Variants in POU6F2 observed in about 807,000 individuals in gnomAD.
POU6F2 encodes the protein POU domain, class 6, transcription factor 2.
Under a neutral mutation model 71.3 loss-of-function variants are expected in POU6F2, and 31 were observed. That is an observed-to-expected ratio of 0.43 (90% CI 0.33 to 0.59). POU6F2 has a LOEUF of 0.59. Ranked by LOEUF, POU6F2 falls within the 20% of genes least tolerant of loss-of-function variation. The pLI, the probability that POU6F2 is intolerant of heterozygous loss-of-function variation, is 0.04. For synonymous variants in POU6F2, 347 were observed against 355.7 expected, an observed-to-expected ratio of 0.98 and a Z score of 0.27; for missense variants, 783 against 856.8, an observed-to-expected ratio of 0.91 and a Z score of 1.07.
intron 2 of POU6F2, among the ~76,000 whole-genome samples, chr7:39,099,048 T>C (rs182623179): frequency 1.5e-3 from 230 of 152,286 alleles, no homozygotes; most frequent in Non-Finnish European, 2.6e-3. Flanking sequence ...CTCTTCAAGT[T>C]CATTCAGGAA....
rs1787826972 is a variant in POU6F2, at chr7:39,420,496, A to G, written c.1114-12581A>G. On this transcript the variant is annotated intron_variant, in intron 6 of 9. Transcript: ENST00000518318. ...GGCAGTAGAAATGGGAATAGTATCT[A>G]TGGTTTTGCACATCTAGACTGGTTC... is the stretch of plus-strand genomic sequence containing the variant. 3.3e-5 allele frequency among the ~76,000 whole-genome samples: 5 copies of G among 152,230 alleles called. No homozygotes were observed. In the South Asian group the frequency reaches 1.0e-3, roughly 31 times the overall value.
rs865778831 is a variant in POU6F2, at chr7:39,016,216, C to T, written c.105+38158C>T. ...TTATATATAGATGTATATAAGATTA[C>T]CTATATATAATGCAATATATACTGA... On this transcript the variant is annotated intron_variant, in intron 1 of 9. Transcript: ENST00000518318. Among the ~76,000 whole-genome samples the T allele has an allele frequency of 2.2e-4, 30 of 138,258 alleles. 1 individual carries two copies. Among genetic ancestry groups the T allele is most frequent in the Middle Eastern group, 8.1e-3 (2 of 246 alleles). The allele number at this position is 138,258 out of a possible 152,430, so 90.7% of individuals were successfully genotyped here. A position where few individuals can be genotyped will look rare whatever the true frequency, so the allele number is the denominator to read the frequency against.
intron 1 of POU6F2, among the ~76,000 whole-genome samples, chr7:39,034,812 G>T (rs1468202598): frequency 1.3e-5 from 2 of 152,092 alleles, no homozygotes; most frequent in Admixed American, 6.5e-5. Context: ...TTCAAGTTTG[G>T]CGCCCTGTTA....
intron 4 of POU6F2, among the ~76,000 whole-genome samples, chr7:39,257,694 A>G (rs1784051885): frequency 6.6e-6 from 1 of 152,180 alleles, no homozygotes; most frequent in South Asian, 2.1e-4. Flanking sequence ...TACAACTCCA[A>G]GCCTAAAGCA....
intron 4 of POU6F2, among the ~76,000 whole-genome samples, chr7:39,303,682 A>G (rs1784997933): frequency 1.3e-5 from 2 of 152,194 alleles, no homozygotes; most frequent in South Asian, 2.1e-4. Context: ...AGTACCAACT[A>G]TGACAGGTGA....
intron 6 of POU6F2, among the ~76,000 whole-genome samples, chr7:39,418,973 A>ATGTATATG (rs1787757453): frequency 1.7e-5 from 2 of 119,008 alleles, no homozygotes; most frequent in Non-Finnish European, 3.4e-5. Context: ...ATGTGTATAT[A>ATGTATATG]TGTATATATA....
At chr7:39,390,852 GTT>G (rs113396553) in intron 5 of POU6F2, among the ~76,000 whole-genome samples, 1 of 147,756 alleles carries the variant, frequency 6.8e-6, no homozygotes. Context: ...TTGTTTTTTG[GTT>G]TTTTTTTTTA....
chr7:38,986,095 A>T (rs10488571), intron 1 of POU6F2, among the ~76,000 whole-genome samples: 15,999 of 152,166 alleles, frequency 0.11, 905 homozygotes, highest in East Asian at 0.14. Context: ...GGAATACTTG[A>T]CTATTTAACC....
chr7:39,089,015 G>T (rs933524467), intron 2 of POU6F2, among the ~76,000 whole-genome samples: 1 of 152,180 alleles, frequency 6.6e-6, no homozygotes, highest in Non-Finnish European at 1.5e-5. Flanking sequence ...GAAACATACT[G>T]TGCAGAATGT....
intron 4 of POU6F2, among the ~76,000 whole-genome samples, chr7:39,210,168 A>G (rs1259316849): frequency 2.0e-5 from 3 of 152,126 alleles, no homozygotes; most frequent in African/African-American, 7.2e-5. Flanking sequence ...ATTTTATAAA[A>G]CATATTTGGT....
At chr7:39,231,666 A>C (rs1794577911) in intron 4 of POU6F2, among the ~76,000 whole-genome samples, 1 of 152,116 alleles carries the variant, frequency 6.6e-6, no homozygotes, top group African/African-American at 2.4e-5. Context: ...GTTCTTCCAG[A>C]ACTGGCTCCT....
At chr7:39,398,264 G>A (rs878996719) in intron 5 of POU6F2, among the ~76,000 whole-genome samples, 20 of 151,636 alleles carry the variant, frequency 1.3e-4, no homozygotes, top group Non-Finnish European at 1.5e-5. Context: ...GGGAGAAAGA[G>A]GATAAACAAG....
At chr7:39,458,326 G>A (rs1190644582) in intron 8 of POU6F2, among the ~76,000 whole-genome samples, 1 of 152,128 alleles carries the variant, frequency 6.6e-6, no homozygotes, top group Non-Finnish European at 1.5e-5. Flanking sequence ...CTAACATTCA[G>A]AAGAGTTTGG....
chr7:39,391,686 C>A (rs895976783), intron 5 of POU6F2, among the ~76,000 whole-genome samples: 4 of 152,176 alleles, frequency 2.6e-5, no homozygotes, highest in Non-Finnish European at 5.9e-5. Flanking sequence ...GACAACCAAC[C>A]CTTTCTCTTC....
chr7:38,998,683 C>T (rs1293175512), intron 1 of POU6F2, among the ~76,000 whole-genome samples: 1 of 149,178 alleles, frequency 6.7e-6, no homozygotes, highest in Admixed American at 6.7e-5. Context: ...CAGTATCTTG[C>T]TCTGTCACCC....
chr7:39,384,512 C>CA (rs1275206878), intron 5 of POU6F2, among the ~76,000 whole-genome samples: 3 of 152,098 alleles, frequency 2.0e-5, no homozygotes, highest in Non-Finnish European at 2.9e-5. Flanking sequence ...CCAAAGTAAA[C>CA]AAATTTGCCA....
In POU6F2 at chr7:39,420,712, A is replaced by T. The variant is rs535431791; in HGVS notation, c.1114-12365A>T. 3.3e-5 allele frequency among the ~76,000 whole-genome samples: 5 copies of T among 152,314 alleles called. No individual in the cohort carries two copies. In the East Asian group the frequency reaches 9.6e-4, roughly 29 times the overall value. On this transcript the variant is annotated intron_variant, in intron 6 of 9. Coordinates refer to ENST00000518318, the MANE Select transcript of POU6F2 (RefSeq NM_001370959.1). ...AACATGTCAATGGATCTTTGATGTA[A>T]GTATCATTATTCCACCTTTTCCATT...
chr7:39,451,474 G>A (rs1788658252), intron 7 of POU6F2, 59 bp from the exon 8 acceptor site: 7 of 1,483,144 alleles, frequency 4.7e-6, no homozygotes, highest in Non-Finnish European at 6.4e-6. Context: ...TCTGTTCCCT[G>A]GCATTTTTCC....
chr7:39,198,812 T>G (rs769478847), intron 2 of POU6F2, among the ~76,000 whole-genome samples: 7 of 152,172 alleles, frequency 4.6e-5, no homozygotes, highest in Non-Finnish European at 1.0e-4. Flanking sequence ...TATAGACACC[T>G]CCACTCCCTC....
Sources: allele counts gnomAD v4.1 joint callset (sites outside exome capture counted in the v4.1 genomes callset), GRCh38; gene constraint gnomAD v4.1.1; transcripts MANE v1.5; gene names NCBI Gene and HGNC (gene_info 2026-07-23, HGNC 2026-07-21).